The following ACKR5 variants were observed in gnomAD, a reference collection of about 807,000 sequenced individuals.
ACKR5 encodes G protein-coupled receptor 182.
the ACKR5 span, chr12:56,996,988 CA>C: frequency 6.5e-6 from 1 of 152,686 alleles, no homozygotes; most frequent in African/African-American, 2.4e-5. Flanking sequence ...ATGGGGATGG[CA>C]GGGGTGGGGG....
chr12:56,995,758 C>T, the ACKR5 span: 1 of 1,614,032 alleles, frequency 6.2e-7, no homozygotes, highest in Non-Finnish European at 8.5e-7. This position sits in a 1 kb window ranked among gnomAD's most constrained non-coding sequence, Gnocchi z 4.7. Flanking sequence ...TCTCGGCCAT[C>T]ATCCCGCTGC....
At chr12:56,997,368 C>G in the ACKR5 span, 1 of 152,294 alleles carries the variant, frequency 6.6e-6, no homozygotes, top group Admixed American at 6.5e-5. Context: ...CACCCTCTGT[C>G]CCCGGCACCA....
chr12:56,995,077 TCTTGCCTTA>T, the ACKR5 span: 1 of 747,688 alleles, frequency 1.3e-6, no homozygotes, highest in East Asian at 2.5e-5. The surrounding 1 kb of genome is among the most constrained non-coding windows in gnomAD (Gnocchi z 4.7). Flanking sequence ...AACTTCCCTT[TCTTGCCTTA>T]GCCCCAGAAT....
chr12:56,995,502 C>A, the ACKR5 span: 2 of 1,614,146 alleles, frequency 1.2e-6, no homozygotes, highest in Non-Finnish European at 1.7e-6. The surrounding 1 kb of genome is among the most constrained non-coding windows in gnomAD (Gnocchi z 4.7). Context: ...ATGGCCATCG[C>A]GGACCTGGGC....
the ACKR5 span, chr12:56,995,475 A>G: frequency 6.2e-7 from 1 of 1,613,788 alleles, no homozygotes. This position sits in a 1 kb window ranked among gnomAD's most constrained non-coding sequence, Gnocchi z 4.7. Context: ...GGGCTGATGA[A>G]CCTCTACATC....
the ACKR5 span, chr12:56,997,001 G>C: frequency 6.5e-6 from 1 of 152,698 alleles, no homozygotes. Context: ...GGGTGGGGGC[G>C]AAGCCAAGGT....
the ACKR5 span, chr12:56,996,303 A>G: frequency 1.2e-5 from 19 of 1,614,070 alleles, no homozygotes; most frequent in South Asian, 2.1e-4. Flanking sequence ...ATCATCACCA[A>G]GGGTGATAGC....
At chr12:56,996,173 T>C in the ACKR5 span, 15 of 1,614,106 alleles carry the variant, frequency 9.3e-6, no homozygotes, top group African/African-American at 1.6e-4. Flanking sequence ...CCTTTACAAC[T>C]TTCTCAGCCC....
chr12:56,995,957 C>A, the ACKR5 span: 1 of 1,612,272 alleles, frequency 6.2e-7, no homozygotes, highest in Non-Finnish European at 8.5e-7. The surrounding 1 kb of genome is among the most constrained non-coding windows in gnomAD (Gnocchi z 4.7). Flanking sequence ...GCAGCCAGGA[C>A]AACCCAAGAG....
At chr12:56,995,752 G>A in the ACKR5 span, 2,990 of 1,613,872 alleles carry the variant, frequency 1.9e-3, 49 homozygotes, top group African/African-American at 0.034. The surrounding 1 kb of genome is among the most constrained non-coding windows in gnomAD (Gnocchi z 4.7). Context: ...GGGTCCTCTC[G>A]GCCATCATCC....
chr12:56,996,587 A>G, the ACKR5 span: 1 of 634,620 alleles, frequency 1.6e-6, no homozygotes, highest in South Asian at 2.2e-5. Flanking sequence ...CAGGAGCGAT[A>G]GAGAGCAGGC....
chr12:56,998,461 C>G, the ACKR5 span: 2 of 152,246 alleles, frequency 1.3e-5, no homozygotes, highest in Admixed American at 1.3e-4. Flanking sequence ...CTGTTTCAAT[C>G]TGCCTCGCTC....
chr12:56,998,340 T>C, the ACKR5 span: 2 of 152,286 alleles, frequency 1.3e-5, no homozygotes, highest in African/African-American at 2.4e-5. Context: ...GCCTGGGCCA[T>C]GTGCTGTGGG....
chr12:56,996,586 T>C, the ACKR5 span: 4 of 637,032 alleles, frequency 6.3e-6, no homozygotes, highest in Middle Eastern at 4.2e-4. Flanking sequence ...TCAGGAGCGA[T>C]AGAGAGCAGG....
At chr12:56,996,029 T>C in the ACKR5 span, 22 of 1,610,608 alleles carry the variant, frequency 1.4e-5, no homozygotes, top group Middle Eastern at 1.6e-4. Context: ...CTGGCTGCCC[T>C]ATCATGTGAC....
chr12:56,996,116 G>A, the ACKR5 span: 1 of 1,613,840 alleles, frequency 6.2e-7, no homozygotes, highest in East Asian at 2.2e-5. Flanking sequence ...CTTCTTCTAT[G>A]ATGTCATTGA....
chr12:56,996,308 G>A, the ACKR5 span: 1 of 1,614,210 alleles, frequency 6.2e-7, no homozygotes, highest in Non-Finnish European at 8.5e-7. Context: ...CACCAAGGGT[G>A]ATAGCCAGCC....
chr12:56,995,883 T>C, the ACKR5 span: 8 of 1,612,314 alleles, frequency 5.0e-6, no homozygotes, highest in South Asian at 7.7e-5. This position sits in a 1 kb window ranked among gnomAD's most constrained non-coding sequence, Gnocchi z 4.7. Context: ...ACCACCATCC[T>C]GGGCTTCCTG....
chr12:56,996,256 C>T, the ACKR5 span: 17 of 1,614,156 alleles, frequency 1.1e-5, no homozygotes, highest in South Asian at 4.4e-5. Flanking sequence ...CGGGCACATG[C>T]GCCTCCTCTT....
Sources: gnomAD v4.1 joint callset for allele counts on GRCh38, gnomAD v4.1.1 for gene constraint, Gnocchi (gnomAD v3.1) non-coding constraint, MANE v1.5 for transcripts, NCBI Gene and HGNC (gene_info 2026-07-23, HGNC 2026-07-21) for gene names.